UBR4: variants seen among roughly 807,000 people sequenced by gnomAD.
UBR4 encodes E3 ubiquitin-protein ligase UBR4.
Under a neutral mutation model 575.6 loss-of-function variants are expected in UBR4, and 124 were observed. That is an observed-to-expected ratio of 0.22 (90% CI 0.19 to 0.25). UBR4 has a LOEUF of 0.25. Among genes scored for constraint, UBR4 ranks in the 10% least tolerant of loss-of-function variants. The probability of loss-of-function intolerance (pLI) is 1.00; values close to 1 mark genes in which losing one functional copy is unlikely to be tolerated. For missense variants in UBR4, 4,818 were observed against 6,478.8 expected (o/e 0.74, Z 8.80); for synonymous variants, 2,455 against 2,473.7 (o/e 0.99, Z 0.22).
chr1:19,112,408 C>A, intron 78 of UBR4, 116 bp downstream of exon 78: 6 of 1,201,100 alleles, frequency 5.0e-6, no homozygotes, highest in Non-Finnish European at 7.0e-6. Context: ...TTGTTATAAG[C>A]TACCTAACTT....
chr1:19,107,966 G>A (rs532859397), intron 81 of UBR4, among the ~76,000 whole-genome samples: 1 of 152,314 alleles, frequency 6.6e-6, no homozygotes, highest in African/African-American at 2.4e-5. Flanking sequence ...TGCTTTATAA[G>A]ACATCTGGAT....
chr1:19,092,401 AC>A (rs2077611217), intron 97 of UBR4, among the ~76,000 whole-genome samples: 1 of 152,178 alleles, frequency 6.6e-6, no homozygotes, highest in Non-Finnish European at 1.5e-5. Context: ...TGAGGGGTTA[AC>A]GCTCAGCCCT....
intron 62 of UBR4, among the ~76,000 whole-genome samples, chr1:19,127,981 G>A (rs578212817): frequency 6.6e-6 from 1 of 152,314 alleles, no homozygotes; most frequent in African/African-American, 2.4e-5. Flanking sequence ...GAGCACAAAA[G>A]GGCCATGAGG....
intron 94 of UBR4, 99 bp from the exon 95 acceptor site, chr1:19,094,238 T>C: frequency 1.2e-6 from 1 of 831,310 alleles, no homozygotes; most frequent in Non-Finnish European, 1.9e-6. Flanking sequence ...ATCAGAGTCA[T>C]CAGGAATACC....
At chr1:19,094,843 T>G in intron 94 of UBR4, 63 bp downstream of exon 94, 2 of 1,595,586 alleles carry the variant, frequency 1.3e-6, no homozygotes, top group Non-Finnish European at 1.7e-6. Flanking sequence ...ACAGGCCTGT[T>G]GTGGGCAATG....
intron 2 of UBR4, among the ~76,000 whole-genome samples, 194 bp downstream of exon 2, chr1:19,201,524 C>T (rs954931701): frequency 1.3e-5 from 2 of 152,106 alleles, no homozygotes; most frequent in South Asian, 2.1e-4. Flanking sequence ...TTTAAAATTC[C>T]ACTTGGTTAG....
chr1:19,203,425 C>T (rs2092848011), intron 1 of UBR4, among the ~76,000 whole-genome samples: 2 of 151,612 alleles, frequency 1.3e-5, no homozygotes, highest in East Asian at 1.9e-4. Context: ...TGCTTGAACC[C>T]GGCAGGTGGA....
rs142687899 is a variant in UBR4 at position 19,184,117 on chromosome 1, C to T, written c.1997G>A (p.Arg666Gln). ...NFITSSMLNS[R>Q]NNFIRNYLSV... ...CAGATAGTTTCGGATAAAATTGTTC[C>T]GAGAGTTCAGCATGGAAGAGGTGAT... Residue 666 changes from arginine (R) to glutamine (Q), a missense_variant, in exon 16 of 106, where the codon CGG (arginine) becomes CAG (glutamine). By Grantham distance (43) the Arg-to-Gln change is conservative. This residue lies in a region of UBR4 where 1,172 missense variants were observed against 1,259.7 expected (regional missense o/e 0.93). Transcript: ENST00000375254. The T allele has an allele frequency of 6.8e-5, 109 of 1,613,938 alleles. No individual in the cohort carries two copies. The highest frequency in any genetic ancestry group is 8.0e-5 in the African/African-American group (6 of 74,844).
At chr1:19,165,169 T>G in intron 31 of UBR4, 80 bp downstream of exon 31, 1 of 1,497,154 alleles carries the variant, frequency 6.7e-7, no homozygotes, top group Non-Finnish European at 9.2e-7. Flanking sequence ...ATGCTGTAGT[T>G]AAACTCAGGC....
At chr1:19,165,081 G>A in intron 31 of UBR4, 84 bp from the exon 32 acceptor site, 2 of 1,562,254 alleles carry the variant, frequency 1.3e-6, no homozygotes. Flanking sequence ...CCAGGAAAAG[G>A]GGAAATGGCT....
At chr1:19,146,767 G>A (rs1157811513) in intron 52 of UBR4, 59 bp downstream of exon 52, 8 of 1,554,736 alleles carry the variant, frequency 5.1e-6, no homozygotes, top group African/African-American at 1.4e-5. Flanking sequence ...GTAAGAATGA[G>A]AGGGTAAATA....
intron 60 of UBR4, among the ~76,000 whole-genome samples, chr1:19,135,413 C>T (rs1256881514): frequency 6.6e-6 from 1 of 152,172 alleles, no homozygotes; most frequent in Non-Finnish European, 1.5e-5. Context: ...ATCAACTTGT[C>T]AATTTTAACA....
At chr1:19,111,099 G>A (rs1056943943) in intron 78 of UBR4, among the ~76,000 whole-genome samples, 1 of 152,194 alleles carries the variant, frequency 6.6e-6, no homozygotes, top group Non-Finnish European at 1.5e-5. Flanking sequence ...TGTCCCAGGC[G>A]ACAGAGCCCC....
intron 53 of UBR4, among the ~76,000 whole-genome samples, chr1:19,145,508 G>GAGACACACACACACACACACAC: frequency 6.9e-6 from 1 of 145,112 alleles, no homozygotes; most frequent in East Asian, 2.1e-4. Context: ...AAACCACTGA[G>GAGACACACACACACACACACAC]ACACACACAC....
rs764886354 is a variant in UBR4, at chr1:19,074,852, G to C, written c.15532C>G (p.Leu5178Val). 3.7e-6 allele frequency: 6 copies of C among 1,614,150 alleles called. No individual in the cohort carries two copies. In the South Asian group the frequency reaches 5.5e-5, roughly 15 times the overall value. ...ITDPESFLKDLLNSVP is the reference protein window; with the variant it reads ...ITDPESFLKDVLNSVP The stretch of plus-strand genomic sequence containing the variant: ...GGTGGTCAGGGGACTGAGTTCAACA[G>C]GTCCTTCAGGAAGCTCTCTGGATCG... Residue 5178 changes from leucine to valine, a missense_variant, in exon 106 of 106, where the codon CTG becomes GTG. Transcript: ENST00000375254.
intron 71 of UBR4, 177 bp downstream of exon 71, chr1:19,118,695 G>A: frequency 1.6e-6 from 1 of 631,778 alleles, no homozygotes; most frequent in Non-Finnish European, 2.8e-6. Context: ...ATGACATTTT[G>A]AGTACCTTCT....
In UBR4 at chr1:19,173,442, T is replaced by C; in HGVS notation, c.3162A>G (p.Ile1054Met). 6.2e-7 allele frequency: 1 copy of C among 1,614,166 alleles called. No individual in the cohort carries two copies. Among genetic ancestry groups the C allele is most frequent in the Non-Finnish European group, 8.5e-7 (1 of 1,180,012 alleles). Reference sequence around the variant, plus strand: ...TTAGCAGCAAGCTCTGTGTTACCTTTATCCAGTTGACATAGGAGCTGATCC... The same window carrying C: ...TTAGCAGCAAGCTCTGTGTTACCTTCATCCAGTTGACATAGGAGCTGATCC... The part of the protein sequence containing the change: ...RLRISSYVNW[I>M]KDHLIKQGMK... Residue 1054 changes from isoleucine to methionine, a missense_variant, in exon 23 of 106, where the codon ATA becomes ATG. By Grantham distance (10) the Ile-to-Met change is conservative. Coordinates refer to ENST00000375254, the MANE Select transcript of UBR4 (RefSeq NM_020765.3).
At chr1:19,080,434 G>A (rs571600004) in intron 103 of UBR4, 1 of 152,318 alleles carries the variant, frequency 6.6e-6, no homozygotes, top group African/African-American at 2.4e-5. Context: ...GAGGGCACAG[G>A]CTATTTTCCA....
At chr1:19,197,515 G>A (rs749936005) in intron 7 of UBR4, among the ~76,000 whole-genome samples, 155 bp downstream of exon 7, 29 of 152,124 alleles carry the variant, frequency 1.9e-4, no homozygotes, top group Non-Finnish European at 3.5e-4. Flanking sequence ...TGTAGTCCCA[G>A]CTACTCAGGA....
Sources: allele counts gnomAD v4.1 joint callset (sites outside exome capture counted in the v4.1 genomes callset), GRCh38; gene constraint gnomAD v4.1.1; regional missense constraint gnomAD v4.1.1; transcripts MANE v1.5; gene names NCBI Gene and HGNC (gene_info 2026-07-23, HGNC 2026-07-21).